UGT3A1: variants seen among roughly 807,000 people sequenced by gnomAD.
The protein encoded by UGT3A1 is UDP-glycosyltransferase 3A1.
UGT3A1 carries 40 observed loss-of-function variants against 37.6 expected under a neutral mutation model. The ratio of observed to expected loss-of-function variants is 1.06; its 90% CI spans 0.83 to 1.38. UGT3A1 has a LOEUF of 1.38. UGT3A1 is among the 40% of genes most tolerant of loss of function. UGT3A1 has a pLI of 0.00. For missense variants in UGT3A1, 642 were observed against 634.2 expected (o/e 1.01, Z -0.13); for synonymous variants, 256 against 232.3 (o/e 1.10, Z -0.93).
In UGT3A1 at chr5:35,974,488, T is replaced by G. The variant is rs528564213; in HGVS notation, c.197-6355A>C. On this transcript the variant is annotated intron_variant, in intron 2 of 6. Transcript: ENST00000274278. The stretch of plus-strand genomic sequence containing the variant: ...TGCACTCTACAGAGATTTCAAAGAC[T>G]AATGCCACAATTATGGACTTAAAGA... 9.8e-4 allele frequency among the ~76,000 whole-genome samples: 149 copies of G among 152,182 alleles called. 2 individuals carry two copies. Among genetic ancestry groups the G allele is most frequent in the Non-Finnish European group, 1.9e-3 (131 of 68,034 alleles).
In UGT3A1 at chr5:35,974,226, G is replaced by A. The variant is rs138181565; in HGVS notation, c.197-6093C>T. 3.3e-3 allele frequency among the ~76,000 whole-genome samples: 502 copies of A among 152,212 alleles called. 4 individuals are homozygous for A. Among genetic ancestry groups the A allele is most frequent in the African/African-American group, 0.011 (477 of 41,530 alleles). ...AATAAAAATAATTATATTTTTCAGA[G>A]ACTGCTGAACATTGGACCTTGAAAT... On this transcript the variant is annotated intron_variant, in intron 2 of 6. Transcript: ENST00000274278.
intron 1 of UGT3A1, among the ~76,000 whole-genome samples, chr5:35,988,937 T>C (rs527934593): frequency 6.6e-6 from 1 of 152,310 alleles, no homozygotes; most frequent in South Asian, 2.1e-4. Flanking sequence ...ACTGCAATGA[T>C]AGAAAATACA....
intron 4 of UGT3A1, among the ~76,000 whole-genome samples, chr5:35,965,130 C>T (rs965289574): frequency 2.6e-5 from 4 of 152,236 alleles, no homozygotes; most frequent in African/African-American, 9.6e-5. Context: ...TTAAAGGGCT[C>T]ATCCCACTGA....
At chr5:35,954,742 A>G in intron 6 of UGT3A1, 1 of 511,016 alleles carries the variant, frequency 2.0e-6, no homozygotes, top group Middle Eastern at 5.3e-4. Context: ...ATCTCTAAGA[A>G]CTAGTCCATA....
At chr5:36,000,989 C>T (rs540133244) in exon 1 of UGT3A1, 1 of 152,222 alleles carries the variant, frequency 6.6e-6, no homozygotes, top group Non-Finnish European at 1.5e-5. Flanking sequence ...ACTCATGCCT[C>T]TTTCCAGTGG....
At chr5:35,956,394 G>A (rs369338623) in intron 5 of UGT3A1, among the ~76,000 whole-genome samples, 4 of 152,170 alleles carry the variant, frequency 2.6e-5, no homozygotes, top group East Asian at 3.8e-4. Context: ...ATGTGGATTC[G>A]AATCTACTTG....
chr5:35,977,194 T>C (rs1376009975), intron 2 of UGT3A1, among the ~76,000 whole-genome samples: 1 of 152,132 alleles, frequency 6.6e-6, no homozygotes. Flanking sequence ...AAAACGGTCA[T>C]AGCAGGTTTA....
chr5:35,967,268 G>A (rs962826704), intron 3 of UGT3A1, among the ~76,000 whole-genome samples: 2 of 152,176 alleles, frequency 1.3e-5, no homozygotes, highest in African/African-American at 2.4e-5. Context: ...CTTGAGTGAG[G>A]AAGCAAGCTT....
At chr5:35,966,069 G>A (rs1739798681) in intron 3 of UGT3A1, 152 bp from the exon 4 acceptor site, 1 of 619,650 alleles carries the variant, frequency 1.6e-6, no homozygotes, top group South Asian at 3.1e-5. Context: ...AATACTCTCA[G>A]CTCTGGTCAC....
rs1739769524 is a variant in UGT3A1 at position 35,965,579 on chromosome 5, A to G, written c.650T>C (p.Met217Thr). The change falls in exon 4 of 7, where the codon ATG becomes ACG. Residue 217 changes from methionine (M) to threonine (T), a missense_variant. Transcript: ENST00000274278. ...FFSFSRSQWD[M>T]QSTFDNTIKE... The stretch of plus-strand genomic sequence containing the variant: ...GATGGTGTTGTCAAATGTAGACTGC[A>G]TGTCCCATTGGCTCCTGGAGAAACT... 5 of 1,614,212 alleles carry G rather than the reference A, an allele frequency of 3.1e-6. No homozygotes were observed. In the East Asian group the frequency reaches 6.7e-5, roughly 22 times the overall value.
At chr5:35,973,483 T>C (rs150222236) in intron 2 of UGT3A1, among the ~76,000 whole-genome samples, 28 of 152,240 alleles carry the variant, frequency 1.8e-4, no homozygotes, top group African/African-American at 6.5e-4. Flanking sequence ...CTCTGTTTGG[T>C]TAATTGAATT....
chr5:35,983,861 A>G (rs183424842), intron 2 of UGT3A1, among the ~76,000 whole-genome samples: 2 of 148,330 alleles, frequency 1.3e-5, no homozygotes, highest in African/African-American at 5.2e-5. Context: ...TTTATGATTT[A>G]AAAAAAAACC....
chr5:35,964,893 C>A (rs1020450263), intron 4 of UGT3A1, among the ~76,000 whole-genome samples: 1 of 152,152 alleles, frequency 6.6e-6, no homozygotes, highest in African/African-American at 2.4e-5. Flanking sequence ...CTAGGTGGAA[C>A]CAGGAGCCAG....
At chr5:35,991,011 C>T (rs1740924755) in intron 1 of UGT3A1, 136 bp downstream of exon 1, 5 of 1,590,126 alleles carry the variant, frequency 3.1e-6, no homozygotes, top group East Asian at 4.5e-5. Context: ...ATGGGCTTCT[C>T]CCTCCTCCAG....
At chr5:35,978,823 T>C (rs1300842221) in intron 2 of UGT3A1, among the ~76,000 whole-genome samples, 1 of 152,146 alleles carries the variant, frequency 6.6e-6, no homozygotes, top group African/African-American at 2.4e-5. Flanking sequence ...ACAAGGCAAG[T>C]CCCTTCTGCC....
At chr5:35,982,526 C>T (rs1340234700) in intron 2 of UGT3A1, among the ~76,000 whole-genome samples, 5 of 152,194 alleles carry the variant, frequency 3.3e-5, no homozygotes, top group Admixed American at 6.5e-5. Context: ...GACAATTTCT[C>T]CCATTTGGAA....
At chr5:35,988,414 TA>T in intron 2 of UGT3A1, 35 bp downstream of exon 2, 1 of 1,463,524 alleles carries the variant, frequency 6.8e-7, no homozygotes, top group African/African-American at 1.4e-5. Flanking sequence ...TTGCTTAGAG[TA>T]AAAGAATATA....
chr5:35,987,336 T>C (rs1257527811), intron 2 of UGT3A1, among the ~76,000 whole-genome samples: 1 of 152,120 alleles, frequency 6.6e-6, no homozygotes, highest in Non-Finnish European at 1.5e-5. Flanking sequence ...TGAGGAATAC[T>C]GAAAGAAACT....
At chr5:35,970,105 T>C (rs1202559586) in intron 2 of UGT3A1, among the ~76,000 whole-genome samples, 1 of 152,132 alleles carries the variant, frequency 6.6e-6, no homozygotes, top group Non-Finnish European at 1.5e-5. Flanking sequence ...AACCATCATT[T>C]CTTGGCCGGG....
Sources: allele counts gnomAD v4.1 joint callset (sites outside exome capture counted in the v4.1 genomes callset), GRCh38; gene constraint gnomAD v4.1.1; transcripts MANE v1.5; gene names NCBI Gene and HGNC (gene_info 2026-07-23, HGNC 2026-07-21).